STXBP4: variants seen among roughly 807,000 people sequenced by gnomAD.
STXBP4 encodes the protein syntaxin binding protein 4, also known as syntaxin-binding protein 4.
In STXBP4, 55 loss-of-function variants were observed where a neutral mutation model predicts 76.1. The ratio of observed to expected loss-of-function variants is 0.72; its 90% CI spans 0.58 to 0.91. The LOEUF is 0.91. Among genes scored for constraint, STXBP4 ranks in the 40% least tolerant of loss-of-function variants. The pLI, the probability that STXBP4 is intolerant of heterozygous loss-of-function variation, is 0.00. For missense variants in STXBP4, 618 were observed against 636.9 expected (o/e 0.97, Z 0.32); for synonymous variants, 201 against 220.2 (o/e 0.91, Z 0.77).
the STXBP4 span, among the ~76,000 whole-genome samples, chr17:55,207,497 G>A: frequency 9.2e-5 from 14 of 152,296 alleles, 2 homozygotes; most frequent in East Asian, 1.9e-4. Context: ...GCCTGAAACA[G>A]AGGAGGAGAG....
chr17:55,165,593 A>G lies in STXBP4; in HGVS notation c.*5682A>G, dbSNP rs1157545603. 6.6e-6 allele frequency: 1 copy of G among 152,246 alleles called. No homozygotes were observed. The highest frequency in any genetic ancestry group is 2.4e-5 in the African/African-American group (1 of 41,452). The allele number at this position is 152,246 out of a possible 1,614,324, so 9.4% of individuals were successfully genotyped here. A position where few individuals can be genotyped will look rare whatever the true frequency, so the allele number is the denominator to read the frequency against. On this transcript the variant is annotated 3_prime_UTR_variant, in exon 18 of 18. Coordinates refer to ENST00000376352, the MANE Select transcript of STXBP4 (RefSeq NM_178509.6). ...CTCTCAATGGAAATCAATTCGGACA[A>G]TAACATTAGACCATCTTAACCCAGA...
chr17:55,085,821 T>C (rs2079319385), intron 16 of STXBP4, among the ~76,000 whole-genome samples: 1 of 152,130 alleles, frequency 6.6e-6, no homozygotes, highest in African/African-American at 2.4e-5. Flanking sequence ...CCAATAAATA[T>C]ATACTTAAAA....
chr17:55,001,969 A>G (rs184230474), intron 7 of STXBP4, among the ~76,000 whole-genome samples: 7 of 152,276 alleles, frequency 4.6e-5, no homozygotes, highest in Admixed American at 1.3e-4. Context: ...AGTTTATACT[A>G]TATTCCACAG....
At chr17:55,207,304 AC>A in the STXBP4 span, among the ~76,000 whole-genome samples, 5 of 152,006 alleles carry the variant, frequency 3.3e-5, no homozygotes, top group African/African-American at 1.2e-4. Flanking sequence ...AGGCATGTAC[AC>A]CCCAACTCCC....
intron 12 of STXBP4, among the ~76,000 whole-genome samples, chr17:55,058,934 A>G (rs2078964895): frequency 6.6e-6 from 1 of 152,062 alleles, no homozygotes; most frequent in Non-Finnish European, 1.5e-5. Flanking sequence ...TTAATTTGCA[A>G]AAATGGCTAT....
At chr17:55,157,023 C>T (rs1300715140) in intron 17 of STXBP4, among the ~76,000 whole-genome samples, 4 of 152,098 alleles carry the variant, frequency 2.6e-5, no homozygotes, top group African/African-American at 9.7e-5. Flanking sequence ...TGTAATATGT[C>T]AAGCATGAGA....
intron 12 of STXBP4, among the ~76,000 whole-genome samples, chr17:55,048,423 C>T (rs1055554878): frequency 6.6e-5 from 10 of 151,836 alleles, no homozygotes; most frequent in African/African-American, 1.4e-4. Context: ...CATTATAAAA[C>T]GACTGAAAAA....
rs758515720 is a variant in STXBP4, at chr17:55,031,290, T to A, written c.763+26T>A. The A allele has an allele frequency of 5.3e-6, 8 of 1,507,488 alleles. No individual in the cohort carries two copies. In the South Asian group the frequency reaches 8.0e-5, roughly 15 times the overall value. 93.4% of individuals were successfully genotyped at this position (1,507,488 alleles called of 1,614,324 possible). A position where few individuals can be genotyped will look rare whatever the true frequency, so the allele number is the denominator to read the frequency against. On this transcript the variant is annotated intron_variant, in intron 9 of 17. Transcript: ENST00000376352. ...GTAATATTAGGTTTATTGTGTTGTATTATCACTGAATCATCATTCAAGAGT... is the reference window on the plus strand; with the variant it reads ...GTAATATTAGGTTTATTGTGTTGTAATATCACTGAATCATCATTCAAGAGT...
At chr17:55,126,190 A>G (rs991992590) in intron 16 of STXBP4, among the ~76,000 whole-genome samples, 7 of 152,140 alleles carry the variant, frequency 4.6e-5, no homozygotes, top group Non-Finnish European at 1.0e-4. Context: ...AACAATCCCA[A>G]ATTACTCAGT....
intron 12 of STXBP4, among the ~76,000 whole-genome samples, chr17:55,064,372 C>T (rs1386441543): frequency 6.6e-6 from 1 of 151,994 alleles, no homozygotes. Context: ...CTCTTTCCTC[C>T]TCTCATATTC....
At chr17:55,076,017 T>C (rs2079177706) in intron 13 of STXBP4, among the ~76,000 whole-genome samples, 1 of 152,178 alleles carries the variant, frequency 6.6e-6, no homozygotes, top group African/African-American at 2.4e-5. Flanking sequence ...TTTGACCCTT[T>C]TTCAGTGGAT....
chr17:55,026,687 C>T (rs2078421537), intron 8 of STXBP4, among the ~76,000 whole-genome samples: 1 of 152,156 alleles, frequency 6.6e-6, no homozygotes. Context: ...CATTTGCAGT[C>T]TATGGACCGA....
downstream of STXBP4, among the ~76,000 whole-genome samples, chr17:55,177,703 CT>C (rs1158492475): frequency 3.3e-5 from 5 of 152,176 alleles, no homozygotes; most frequent in African/African-American, 1.2e-4. Flanking sequence ...CTGAGTGAGG[CT>C]TTGTTTTGTT....
chr17:55,133,465 G>T (rs1018481799), intron 16 of STXBP4, among the ~76,000 whole-genome samples: 3 of 152,162 alleles, frequency 2.0e-5, no homozygotes, highest in Non-Finnish European at 4.4e-5. Flanking sequence ...CCAGACTGGG[G>T]ATAGAGAATT....
the STXBP4 span, among the ~76,000 whole-genome samples, chr17:55,183,252 G>T: frequency 6.6e-6 from 1 of 152,012 alleles, no homozygotes; most frequent in East Asian, 1.9e-4. Flanking sequence ...CCACCATAAA[G>T]TTAGTAAAAG....
chr17:54,991,695 A>G (rs902858451), intron 4 of STXBP4: 3 of 151,052 alleles, frequency 2.0e-5, no homozygotes, highest in Non-Finnish European at 4.4e-5. Context: ...GATATAAAGA[A>G]TTTAATAAAA....
chr17:55,147,288 CTCA>C (rs1414584726), intron 17 of STXBP4, among the ~76,000 whole-genome samples: 2 of 152,154 alleles, frequency 1.3e-5, no homozygotes, highest in Non-Finnish European at 2.9e-5. Context: ...GCATTAGATT[CTCA>C]TAAGGAGCAC....
intron 16 of STXBP4, among the ~76,000 whole-genome samples, chr17:55,098,362 G>C (rs2079520689): frequency 6.6e-6 from 1 of 152,104 alleles, no homozygotes; most frequent in Admixed American, 6.5e-5. Context: ...AGCCTCAAAG[G>C]CCCTCTGGAA....
intron 17 of STXBP4, among the ~76,000 whole-genome samples, chr17:55,150,354 A>C (rs780382372): frequency 4.6e-5 from 7 of 152,154 alleles, no homozygotes; most frequent in Non-Finnish European, 7.3e-5. Context: ...CTCTTTGTAC[A>C]CAGAGAGAGA....
Sources: gnomAD v4.1 joint callset for allele counts (sites outside exome capture counted in the v4.1 genomes callset) on GRCh38, gnomAD v4.1.1 for gene constraint, MANE v1.5 for transcripts, NCBI Gene and HGNC (gene_info 2026-07-23, HGNC 2026-07-21) for gene names.